The following APH1B variants were observed in gnomAD, a reference collection of about 807,000 sequenced individuals.
The protein encoded by APH1B is gamma-secretase subunit APH-1B.
A neutral mutation model predicts 28.2 loss-of-function variants in APH1B; 27 were observed. The observed-to-expected ratio is 0.96, with a 90% CI of 0.70 to 1.32. The LOEUF (loss-of-function observed/expected upper bound fraction) is 1.32, where lower values mean the gene tolerates loss of function less well. Among genes scored for constraint, APH1B ranks in the 40% most tolerant of loss-of-function variants. APH1B has a pLI of 0.00. For missense variants in APH1B, 305 were observed against 313.6 expected (o/e 0.97, Z 0.21); for synonymous variants, 141 against 124.6 (o/e 1.13, Z -0.88).
At chr15:63,284,330 C>A (rs901434589) in intron 2 of APH1B, among the ~76,000 whole-genome samples, 51 of 151,968 alleles carry the variant, frequency 3.4e-4, no homozygotes, top group African/African-American at 1.2e-3. Context: ...CCTCCCACCT[C>A]AGCCTCCCAG....
At chr15:63,283,136 A>G (rs958081128) in intron 2 of APH1B, among the ~76,000 whole-genome samples, 1 of 152,222 alleles carries the variant, frequency 6.6e-6, no homozygotes, top group Non-Finnish European at 1.5e-5. Flanking sequence ...ACGTACTTCC[A>G]TAACGTAGAA....
intron 4 of APH1B, among the ~76,000 whole-genome samples, chr15:63,295,444 T>C (rs1499604): frequency 0.98 from 149,498 of 152,318 alleles, 73,380 homozygotes; most frequent in East Asian, 1. Context: ...CAGTAGCTGG[T>C]TGCTGCAGGG....
chr15:63,303,918 G>GTA (rs2038661287), intron 5 of APH1B, among the ~76,000 whole-genome samples: 1 of 143,422 alleles, frequency 7.0e-6, no homozygotes, highest in Admixed American at 7.1e-5. Context: ...CTTCTTTTGG[G>GTA]TATACGCCTA....
chr15:63,281,144 A>C (rs768538635), intron 2 of APH1B, among the ~76,000 whole-genome samples: 4 of 151,966 alleles, frequency 2.6e-5, no homozygotes, highest in Non-Finnish European at 5.9e-5. Flanking sequence ...TAAAAAAAAA[A>C]CAAACAAGCA....
chr15:63,284,919 A>G (rs561439828), intron 2 of APH1B, among the ~76,000 whole-genome samples: 3 of 152,330 alleles, frequency 2.0e-5, no homozygotes, highest in South Asian at 2.1e-4. Flanking sequence ...TGATTCTACT[A>G]TATTGATATA....
intron 2 of APH1B, among the ~76,000 whole-genome samples, chr15:63,281,548 A>AAC (rs1429383240): frequency 1.3e-5 from 2 of 151,820 alleles, no homozygotes; most frequent in African/African-American, 4.8e-5. Context: ...AAAAAAAAAA[A>AAC]AAACAAAAAA....
At chr15:63,302,290 TC>T (rs2038638678) in intron 4 of APH1B, 54 bp from the exon 5 acceptor site, 5 of 1,597,810 alleles carry the variant, frequency 3.1e-6, no homozygotes, top group African/African-American at 1.3e-5. Context: ...AGTGCCAGGG[TC>T]CTCAGTGGTT....
At chr15:63,302,534 T>C in intron 5 of APH1B, 62 bp downstream of exon 5, 1 of 1,554,774 alleles carries the variant, frequency 6.4e-7, no homozygotes, top group Non-Finnish European at 8.7e-7. Flanking sequence ...TCTAAAATGG[T>C]AAATTCTACT....
chr15:63,293,804 A>T (rs369880123), intron 4 of APH1B, among the ~76,000 whole-genome samples: 10 of 152,004 alleles, frequency 6.6e-5, no homozygotes, highest in African/African-American at 2.4e-4. Context: ...TTGCTCTGTC[A>T]CCTAGGCTGG....
intron 2 of APH1B, among the ~76,000 whole-genome samples, chr15:63,283,932 A>T (rs1035572016): frequency 6.6e-6 from 1 of 152,124 alleles, no homozygotes; most frequent in African/African-American, 2.4e-5. Context: ...GTCACCATTT[A>T]TTAAAAGACC....
Position 63,279,149 on chromosome 15 carries a change from C to G in APH1B, c.114-12C>G. On this transcript the variant is annotated splice_polypyrimidine_tract_variant and intron_variant, in intron 1 of 5. Transcript: ENST00000261879. ...GATGTTCACTTGTAACTTTTTTTCCCGTATTTTTCAGAGCTTTCTTCTGGT... is the reference window on the plus strand; with the variant it reads ...GATGTTCACTTGTAACTTTTTTTCCGGTATTTTTCAGAGCTTTCTTCTGGT... The G allele has an allele frequency of 6.4e-7, 1 of 1,567,396 alleles. No individual in the cohort carries two copies. The highest frequency in any genetic ancestry group is 8.7e-7 in the Non-Finnish European group (1 of 1,149,764).
intron 3 of APH1B, among the ~76,000 whole-genome samples, chr15:63,286,962 A>G (rs2038453302): frequency 6.6e-6 from 1 of 152,208 alleles, no homozygotes; most frequent in African/African-American, 2.4e-5. Flanking sequence ...TACTCTTCAT[A>G]TTAAAGCAGT....
chr15:63,291,250 A>G (rs1483699567), intron 4 of APH1B, among the ~76,000 whole-genome samples: 3 of 152,222 alleles, frequency 2.0e-5, no homozygotes, highest in Non-Finnish European at 4.4e-5. Context: ...TTCTAGTATT[A>G]TATAGAATCT....
intron 2 of APH1B, among the ~76,000 whole-genome samples, chr15:63,281,464 C>T (rs2038386757): frequency 6.7e-6 from 1 of 149,678 alleles, no homozygotes; most frequent in African/African-American, 2.5e-5. Context: ...CTCAGCCTCA[C>T]ATTGCACTGG....
rs113431033 is a variant in APH1B at position 63,304,886 on chromosome 15, G to A, written c.607-728G>A. Among the ~76,000 whole-genome samples, 423 of 152,290 alleles carry A rather than the reference G, an allele frequency of 2.8e-3. 1 individual carries two copies. The highest frequency in any genetic ancestry group is 4.5e-3 in the Non-Finnish European group (305 of 68,018). ...AATGCTCAATGCCTGCCATGCCCACGGAGGCCTCTTGAGAAGAGCAGTCTT... is the reference window on the plus strand; with the variant it reads ...AATGCTCAATGCCTGCCATGCCCACAGAGGCCTCTTGAGAAGAGCAGTCTT... On this transcript the variant is annotated intron_variant, in intron 5 of 5. Transcript: ENST00000261879. The surrounding 1 kb of genome is among the most constrained non-coding windows in gnomAD (Gnocchi z 5.1).
intron 2 of APH1B, among the ~76,000 whole-genome samples, chr15:63,283,793 A>T (rs72748916): frequency 6.6e-6 from 1 of 152,138 alleles, no homozygotes; most frequent in African/African-American, 2.4e-5. Context: ...ACTGGCACCT[A>T]TGTATTCTTC....
chr15:63,278,858 A>T (rs1595757568), intron 1 of APH1B, among the ~76,000 whole-genome samples: 1 of 152,230 alleles, frequency 6.6e-6, no homozygotes, highest in East Asian at 1.9e-4. Context: ...CAAATAACCA[A>T]GTTTCTAGCT....
At chr15:63,302,052 A>T (rs1351241357) in intron 4 of APH1B, among the ~76,000 whole-genome samples, 2 of 152,204 alleles carry the variant, frequency 1.3e-5, no homozygotes, top group African/African-American at 4.8e-5. Flanking sequence ...ACTGGGAAAA[A>T]GCTGGCTGGA....
intron 4 of APH1B, among the ~76,000 whole-genome samples, chr15:63,296,815 G>A (rs1323736154): frequency 6.6e-6 from 1 of 152,034 alleles, no homozygotes; most frequent in Non-Finnish European, 1.5e-5. Context: ...GTGCCACCAT[G>A]CCTGGCTAAT....
Sources: allele counts gnomAD v4.1 joint callset (sites outside exome capture counted in the v4.1 genomes callset), GRCh38; gene constraint gnomAD v4.1.1; non-coding constraint Gnocchi (gnomAD v3.1); transcripts MANE v1.5; gene names NCBI Gene and HGNC (gene_info 2026-07-23, HGNC 2026-07-21).